Variants in CORO7 observed in about 807,000 individuals in gnomAD.
CORO7 encodes the protein coronin-7.
Under a neutral mutation model 126.6 loss-of-function variants are expected in CORO7, and 107 were observed. That is an observed-to-expected ratio of 0.85 (90% CI 0.72 to 0.99). The LOEUF (loss-of-function observed/expected upper bound fraction) is 0.99, where lower values mean the gene tolerates loss of function less well. Ranked by LOEUF, CORO7 falls within the 50% of genes least tolerant of loss-of-function variation. The pLI is 0.00. For missense variants in CORO7, 1,314 were observed against 1,255.8 expected, an observed-to-expected ratio of 1.05 and a Z score of -0.70; for synonymous variants, 603 against 536.8, an observed-to-expected ratio of 1.12 and a Z score of -1.70.
At chr16:4,357,423 C>G (rs1451784872) in intron 25 of CORO7, 164 bp from the exon 26 acceptor site, 1 of 695,488 alleles carries the variant, frequency 1.4e-6, no homozygotes, top group Non-Finnish European at 2.2e-6. Flanking sequence ...AATGATGTGA[C>G]CTAGGCTGAC....
At chr16:4,367,126 A>G (rs1174464051) in intron 9 of CORO7, among the ~76,000 whole-genome samples, 1 of 152,148 alleles carries the variant, frequency 6.6e-6, no homozygotes, top group Admixed American at 6.5e-5. Flanking sequence ...GGGTGTCTCC[A>G]TGACTTCCTG....
intron 24 of CORO7, 56 bp from the exon 25 acceptor site, chr16:4,358,159 G>C: frequency 6.3e-7 from 1 of 1,581,566 alleles, no homozygotes; most frequent in Non-Finnish European, 8.6e-7. Flanking sequence ...CAGGGCACAC[G>C]GGCATCTGTT....
intron 6 of CORO7, among the ~76,000 whole-genome samples, chr16:4,396,511 T>C (rs2055598208): frequency 1.3e-5 from 2 of 152,190 alleles, no homozygotes; most frequent in Admixed American, 6.6e-5. Flanking sequence ...CCAACTATCA[T>C]ACAGCCCATA....
At chr16:4,357,116 G>A (rs1013127348) in intron 26 of CORO7, 52 bp downstream of exon 26, 3 of 1,609,096 alleles carry the variant, frequency 1.9e-6, no homozygotes, top group Non-Finnish European at 8.5e-7. Context: ...GCCGTGGCCA[G>A]GTGCAGCCAG....
intron 9 of CORO7, among the ~76,000 whole-genome samples, chr16:4,377,617 C>T (rs982545920): frequency 2.0e-5 from 3 of 152,300 alleles, no homozygotes; most frequent in South Asian, 2.1e-4. Context: ...CCCCTGCCAC[C>T]GTCCCCTCCA....
intron 9 of CORO7, among the ~76,000 whole-genome samples, chr16:4,375,623 G>T (rs2054692791): frequency 1.3e-5 from 2 of 152,224 alleles, no homozygotes; most frequent in African/African-American, 4.8e-5. Context: ...AAGTAGCTGG[G>T]ACTACAGGCG....
intron 9 of CORO7, among the ~76,000 whole-genome samples, chr16:4,387,106 G>A (rs970889696): frequency 3.9e-5 from 6 of 152,174 alleles, no homozygotes; most frequent in African/African-American, 7.2e-5. Context: ...TATAAGTCAC[G>A]GTTGAAGTTT....
chr16:4,359,882 C>T (rs556637992), intron 21 of CORO7, among the ~76,000 whole-genome samples: 93 of 148,162 alleles, frequency 6.3e-4, no homozygotes, highest in African/African-American at 2.2e-3. Flanking sequence ...GCCCCTTGTG[C>T]ACCCCTGCAT....
intron 6 of CORO7, 94 bp from the exon 7 acceptor site, chr16:4,395,433 GAGC>G: frequency 6.5e-7 from 1 of 1,547,552 alleles, no homozygotes; most frequent in South Asian, 1.1e-5. Flanking sequence ...CCCCAGCTCT[GAGC>G]AGCCCATCCC....
intron 9 of CORO7, among the ~76,000 whole-genome samples, chr16:4,386,578 A>T (rs1298447315): frequency 2.0e-5 from 3 of 151,568 alleles, no homozygotes; most frequent in African/African-American, 7.3e-5. Context: ...GGGAGCTCCG[A>T]CTCCTCAAGG....
At chr16:4,372,913 G>A (rs943695565) in intron 9 of CORO7, among the ~76,000 whole-genome samples, 1 of 152,184 alleles carries the variant, frequency 6.6e-6, no homozygotes, top group African/African-American at 2.4e-5. Context: ...TCTGGAGAGA[G>A]GCAGCGGGAC....
In CORO7 at chr16:4,380,881, T is replaced by C. The variant is rs1262134613; in HGVS notation, c.785+7105A>G. 3.3e-6 allele frequency: 5 copies of C among 1,520,824 alleles called. No individual in the cohort carries two copies. The African/African-American group carries it at 5.5e-5, about 17-fold the overall frequency. 94.2% of individuals were successfully genotyped at this position (1,520,824 alleles called of 1,614,324 possible). ...TCTCTGCTCCCAGGGACAGAAGATGTGCTCCAGGGTCCCTCTGCTGCTGCC... is the reference window on the plus strand; with the variant it reads ...TCTCTGCTCCCAGGGACAGAAGATGCGCTCCAGGGTCCCTCTGCTGCTGCC... On this transcript the variant is annotated intron_variant, in intron 9 of 27. Transcript: ENST00000251166.
intron 25 of CORO7, chr16:4,357,543 A>C: frequency 2.8e-6 from 1 of 363,446 alleles, no homozygotes; most frequent in Non-Finnish European, 5.0e-6. Context: ...TTTAGTAGAG[A>C]TGGGGTTTCA....
chr16:4,402,756 C>T (rs774667190), intron 6 of CORO7, among the ~76,000 whole-genome samples: 2 of 152,208 alleles, frequency 1.3e-5, no homozygotes, highest in African/African-American at 4.8e-5. Context: ...CTGCAGAGGC[C>T]GCGTCCTCCC....
rs1181865967 is a variant in CORO7, at chr16:4,382,522, G to T, written c.785+5464C>A. On this transcript the variant is annotated intron_variant, in intron 9 of 27. Coordinates refer to ENST00000251166, the MANE Select transcript of CORO7 (RefSeq NM_024535.5). ...CGGGCGGGTGCCGGAGGGCGAGGAG[G>T]CCTGCGGGGAGGCCCATACACCCCC... is the stretch of plus-strand genomic sequence containing the variant. 12 of 1,592,948 alleles carry T rather than the reference G, an allele frequency of 7.5e-6. 1 individual carries two copies. The South Asian group carries it at 1.4e-4, about 18-fold the overall frequency.
rs544549233 is a variant in CORO7, at chr16:4,366,535, CT to C, written c.786-991del. Among the ~76,000 whole-genome samples, 487 of 114,362 alleles carry C rather than the reference CT, an allele frequency of 4.3e-3. 6 individuals are homozygous for C. Among genetic ancestry groups the C allele is most frequent in the Admixed American group, 0.017 (182 of 10,798 alleles). The allele number at this position is 114,362 out of a possible 152,430, so 75.0% of individuals were successfully genotyped here. On this transcript the variant is annotated intron_variant, in intron 9 of 27. Transcript: ENST00000251166. Reference sequence around the variant, plus strand: ...CTGTGTTTCTTGCTCCTGATCTTTGCTTTTTTTTTTTTTTTTTTTTTTAAGA... The same window carrying C: ...CTGTGTTTCTTGCTCCTGATCTTTGCTTTTTTTTTTTTTTTTTTTTTAAGA...
chr16:4,374,323 C>A (rs113115656), intron 9 of CORO7, among the ~76,000 whole-genome samples: 1 of 152,122 alleles, frequency 6.6e-6, no homozygotes, highest in Admixed American at 6.5e-5. Flanking sequence ...CGGCCTCCCC[C>A]GCTTTTCCTC....
intron 3 of CORO7, among the ~76,000 whole-genome samples, chr16:4,410,529 C>G (rs766923708): frequency 6.6e-6 from 1 of 152,182 alleles, no homozygotes; most frequent in Non-Finnish European, 1.5e-5. Context: ...TCTCAGTTTT[C>G]ATAGCTATAA....
chr16:4,399,399 T>C (rs1294165301), intron 6 of CORO7, among the ~76,000 whole-genome samples: 1 of 152,208 alleles, frequency 6.6e-6, no homozygotes, highest in Non-Finnish European at 1.5e-5. Flanking sequence ...AAATAGTATA[T>C]GATTCCACTT....
Sources: gnomAD v4.1 joint callset for allele counts (sites outside exome capture counted in the v4.1 genomes callset) on GRCh38, gnomAD v4.1.1 for gene constraint, MANE v1.5 for transcripts, NCBI Gene and HGNC (gene_info 2026-07-23, HGNC 2026-07-21) for gene names.